Variants in MBTD1 observed in about 807,000 individuals in gnomAD.
The protein encoded by MBTD1 is mbt domain containing 1.
In MBTD1, 24 loss-of-function variants were observed where a neutral mutation model predicts 87.8. The ratio of observed to expected loss-of-function variants is 0.27; its 90% CI spans 0.20 to 0.38. The LOEUF is 0.38. Among genes scored for constraint, MBTD1 ranks in the 10% least tolerant of loss-of-function variants. The pLI, the probability that MBTD1 is intolerant of heterozygous loss-of-function variation, is 1.00. For synonymous variants in MBTD1, 237 were observed against 248.6 expected, an observed-to-expected ratio of 0.95 and a Z score of 0.44; for missense variants, 436 against 760.2, an observed-to-expected ratio of 0.57 and a Z score of 5.02.
At chr17:51,237,721 T>C (rs1044763210) in intron 2 of MBTD1, among the ~76,000 whole-genome samples, 4 of 152,174 alleles carry the variant, frequency 2.6e-5, no homozygotes, top group African/African-American at 9.7e-5. Context: ...GAATGTAAAA[T>C]GGTACAAGCA....
chr17:51,237,655 T>C (rs558832794), intron 2 of MBTD1, among the ~76,000 whole-genome samples: 19 of 152,290 alleles, frequency 1.2e-4, no homozygotes, highest in Non-Finnish European at 7.4e-5. Context: ...GACTAAAATT[T>C]ATAAAAGTCC....
intron 6 of MBTD1, chr17:51,209,226 C>T: frequency 2.7e-6 from 1 of 372,540 alleles, no homozygotes; most frequent in Non-Finnish European, 5.5e-6. Flanking sequence ...TCTGTCTTCT[C>T]TTGCTGGCAG....
At chr17:51,238,933 C>G (rs1342125506) in intron 2 of MBTD1, among the ~76,000 whole-genome samples, 1 of 151,990 alleles carries the variant, frequency 6.6e-6, no homozygotes, top group African/African-American at 2.4e-5. Context: ...AACCCTGTCT[C>G]TACTAAAAAT....
intron 16 of MBTD1, 50 bp downstream of exon 16, chr17:51,192,153 C>G: frequency 8.1e-7 from 1 of 1,227,118 alleles, no homozygotes; most frequent in Non-Finnish European, 1.2e-6. Flanking sequence ...ACTGTGACTC[C>G]AATTAGTTAA....
At chr17:51,183,551 G>A (rs944296093) in intron 16 of MBTD1, 1 of 152,142 alleles carries the variant, frequency 6.6e-6, no homozygotes, top group African/African-American at 2.4e-5. Context: ...TGGTACTGGT[G>A]ATCAAAAATT....
intron 12 of MBTD1, among the ~76,000 whole-genome samples, chr17:51,197,695 C>A (rs1256081079): frequency 2.0e-5 from 3 of 151,856 alleles, no homozygotes; most frequent in Non-Finnish European, 2.9e-5. Flanking sequence ...AGTGTTTTGC[C>A]CTATTGCTCA....
intron 16 of MBTD1, 107 bp downstream of exon 16, chr17:51,192,096 G>T: frequency 1.2e-6 from 1 of 830,490 alleles, no homozygotes; most frequent in Non-Finnish European, 2.0e-6. Context: ...AATACATAAT[G>T]CACAATCATC....
Position 51,241,888 on chromosome 17 carries a change from C to T in MBTD1, c.-48-16679G>A, listed in dbSNP as rs185540381. 3.5e-4 allele frequency among the ~76,000 whole-genome samples: 54 copies of T among 152,212 alleles called. 1 individual carries two copies. The highest frequency in any genetic ancestry group is 1.0e-3 in the South Asian group (5 of 4,824). On this transcript the variant is annotated intron_variant, in intron 2 of 16. Coordinates refer to ENST00000586178, the MANE Select transcript of MBTD1 (RefSeq NM_017643.3). Reference sequence around the variant, plus strand: ...GCCTACTTTTCAAGGTTTTATAACTCGTTATTGTCCTTAATTATCTGGGTG... The same window carrying T: ...GCCTACTTTTCAAGGTTTTATAACTTGTTATTGTCCTTAATTATCTGGGTG...
At position 51,179,512 on chromosome 17, in the gene MBTD1, A is replaced by ATATATATTTATATT. The variant is rs1568136078; in HGVS notation, c.*1063_*1064insAATATAAATATATA. ...TATATATATATATATATATATATAT[A>ATATATATTTATATT]TATATATATATATATATATATATAT... On this transcript the variant is annotated 3_prime_UTR_variant, in exon 17 of 17. Transcript: ENST00000586178. 1.8e-4 allele frequency: 17 copies of ATATATATTTATATT among 97,010 alleles called. No individual in the cohort carries two copies. Among genetic ancestry groups the ATATATATTTATATT allele is most frequent in the South Asian group, 3.3e-4 (1 of 3,068 alleles). The allele number at this position is 97,010 out of a possible 1,614,324, so 6.0% of individuals were successfully genotyped here.
At chr17:51,260,653 C>T (rs755322303), upstream of MBTD1, 14 of 1,612,320 alleles carry the variant, frequency 8.7e-6, no homozygotes, top group South Asian at 3.3e-5. Context: ...AGCGGAAGCC[C>T]GGAATGAGGC....
At chr17:51,189,080 AC>A (rs2050682750) in intron 16 of MBTD1, among the ~76,000 whole-genome samples, 1 of 152,038 alleles carries the variant, frequency 6.6e-6, no homozygotes, top group South Asian at 2.1e-4. Flanking sequence ...TTTAAAAAGA[AC>A]TTTGGCAACA....
intron 12 of MBTD1, among the ~76,000 whole-genome samples, chr17:51,198,996 A>G (rs2051303583): frequency 1.3e-5 from 2 of 152,116 alleles, no homozygotes; most frequent in African/African-American, 4.8e-5. Flanking sequence ...GGGTTTTATC[A>G]TGTTGGCCAG....
In MBTD1 at chr17:51,215,482, A is replaced by G. The variant is rs578231591; in HGVS notation, c.486+1852T>C. Among the ~76,000 whole-genome samples, 4 of 152,320 alleles carry G rather than the reference A, an allele frequency of 2.6e-5. No homozygotes were observed. In the South Asian group the frequency reaches 8.3e-4, roughly 32 times the overall value. ...TATAAAAGGAGATACAAAGAGAGAG[A>G]AAGGCCATTCCGAAGGAGACAAAAG... On this transcript the variant is annotated intron_variant, in intron 6 of 16. Coordinates refer to ENST00000586178, the MANE Select transcript of MBTD1 (RefSeq NM_017643.3).
chr17:51,197,398 T>C (rs1028109540), intron 12 of MBTD1, among the ~76,000 whole-genome samples: 2 of 151,880 alleles, frequency 1.3e-5, no homozygotes, highest in Non-Finnish European at 2.9e-5. Context: ...TGAATTTTTG[T>C]TTTTGGCTTT....
intron 2 of MBTD1, among the ~76,000 whole-genome samples, chr17:51,245,302 G>C (rs1465541846): frequency 1.3e-5 from 2 of 152,086 alleles, no homozygotes; most frequent in African/African-American, 4.8e-5. Context: ...TCTTGGCATT[G>C]AGAAATTTAC....
chr17:51,218,306 A>G (rs1376502799), intron 5 of MBTD1, among the ~76,000 whole-genome samples: 1 of 151,934 alleles, frequency 6.6e-6, no homozygotes, highest in Non-Finnish European at 1.5e-5. Flanking sequence ...AGGTGGGTGG[A>G]TCATTTGAGG....
At chr17:51,260,233 C>A, upstream of MBTD1, 1 of 434,920 alleles carries the variant, frequency 2.3e-6, no homozygotes, top group Non-Finnish European at 4.1e-6. Flanking sequence ...GTGGTTACAG[C>A]CAAGAGGAAA....
intron 6 of MBTD1, among the ~76,000 whole-genome samples, chr17:51,212,156 G>T (rs1334717894): frequency 6.6e-6 from 1 of 152,016 alleles, no homozygotes; most frequent in Non-Finnish European, 1.5e-5. Flanking sequence ...TCAGGAGTTC[G>T]AGAACAGCCT....
At position 51,217,334 on chromosome 17, in the gene MBTD1, A is replaced by T. The variant is rs2052627316; in HGVS notation, c.486T>A (p.His162Gln). 6 of 1,514,190 alleles carry T rather than the reference A, an allele frequency of 4.0e-6. No individual in the cohort carries two copies. Among genetic ancestry groups the T allele is most frequent in the Non-Finnish European group, 5.3e-6 (6 of 1,123,068 alleles). 93.8% of individuals were successfully genotyped at this position (1,514,190 alleles called of 1,614,324 possible). A position where few individuals can be genotyped will look rare whatever the true frequency, so the allele number is the denominator to read the frequency against. ...FIAAPVTCFK[H>Q]APMGTCWGDI... ...ATAAGGTGAGAAATTCTGTACTTAC[A>T]TGTTTAAAACAGGTAACCGGAGCTG... The change falls in exon 6 of 17, where the codon CAT becomes CAA. Residue 162 changes from histidine (H) to glutamine (Q), a missense_variant and splice_region_variant. Coordinates refer to ENST00000586178, the MANE Select transcript of MBTD1 (RefSeq NM_017643.3).
Sources: gnomAD v4.1 joint callset for allele counts (sites outside exome capture counted in the v4.1 genomes callset) on GRCh38, gnomAD v4.1.1 for gene constraint, MANE v1.5 for transcripts, NCBI Gene and HGNC (gene_info 2026-07-23, HGNC 2026-07-21) for gene names.